The following RB1CC1 variants were observed in gnomAD, a reference collection of about 807,000 sequenced individuals.
RB1CC1 encodes the protein RB1 inducible coiled-coil 1, also known as RB1-inducible coiled-coil protein 1.
RB1CC1 carries 46 observed loss-of-function variants against 177.5 expected under a neutral mutation model. That is an observed-to-expected ratio of 0.26 (90% CI 0.20 to 0.33). The LOEUF is 0.33. Ranked by LOEUF, RB1CC1 falls within the 10% of genes least tolerant of loss-of-function variation. The pLI is 1.00. For missense variants in RB1CC1, 1,703 were observed against 1,816.3 expected (o/e 0.94, Z 1.13); for synonymous variants, 666 against 613.6 (o/e 1.09, Z -1.26).
At chr8:52,712,360 C>G (rs1262513551) in intron 1 of RB1CC1, among the ~76,000 whole-genome samples, 3 of 152,032 alleles carry the variant, frequency 2.0e-5, no homozygotes, top group African/African-American at 7.2e-5. Context: ...AGTCTAAAAA[C>G]TTTTCTCAGG....
rs35009616 is a variant in RB1CC1 at position 52,668,141 on chromosome 8, A to G, written c.1053T>C (p.Ile351=). 9,542 of 1,614,086 alleles carry G rather than the reference A, an allele frequency of 5.9e-3. 38 individuals carry two copies. The highest frequency in any genetic ancestry group is 7.2e-3 in the Non-Finnish European group (8,473 of 1,179,964). ...TCATATTCTGATTATCAAGTTTGGCAATAGTTTGACGGCATTCTGCTATAA... is the reference window on the plus strand; with the variant it reads ...TCATATTCTGATTATCAAGTTTGGCGATAGTTTGACGGCATTCTGCTATAA... ...RPFIAECRQT[I]AKLDNQNMKA... Residue 351 remains isoleucine (I), a synonymous_variant, in exon 8 of 24, where the codon ATT becomes ATC. Transcript: ENST00000025008.
intron 1 of RB1CC1, among the ~76,000 whole-genome samples, chr8:52,691,636 T>A (rs764282814): frequency 6.6e-6 from 1 of 152,220 alleles, no homozygotes; most frequent in Non-Finnish European, 1.5e-5. Flanking sequence ...CAATATCATT[T>A]TCCCACGTTT....
chr8:52,639,387 C>T (rs1359944767), intron 18 of RB1CC1, among the ~76,000 whole-genome samples: 3 of 151,600 alleles, frequency 2.0e-5, no homozygotes, highest in Non-Finnish European at 2.9e-5. Flanking sequence ...CTATGATCTA[C>T]ACTCTGATGT....
At chr8:52,634,530 AT>A (rs1458065735) in intron 20 of RB1CC1, among the ~76,000 whole-genome samples, 2 of 152,130 alleles carry the variant, frequency 1.3e-5, no homozygotes, top group Non-Finnish European at 1.5e-5. Flanking sequence ...AAAAAAAAAA[AT>A]CATGAAAAGA....
intron 18 of RB1CC1, among the ~76,000 whole-genome samples, chr8:52,641,384 CAAAAAAA>C (rs33912526): frequency 1.8e-4 from 18 of 97,478 alleles, no homozygotes; most frequent in African/African-American, 6.0e-4. Flanking sequence ...GACTTCATCT[CAAAAAAA>C]AAAAAAAAAA....
At chr8:52,674,533 T>C (rs113284279) in intron 6 of RB1CC1, among the ~76,000 whole-genome samples, 3,609 of 151,954 alleles carry the variant, frequency 0.024, 165 homozygotes, top group African/African-American at 0.082. Flanking sequence ...CTTTGGGAGG[T>C]GGAGGGCAGC....
chr8:52,699,840 T>A lies in RB1CC1; in HGVS notation c.-166-12873A>T, dbSNP rs1241895941. Among the ~76,000 whole-genome samples the A allele has an allele frequency of 1.9e-4, 21 of 112,492 alleles. No homozygotes were observed. The East Asian group carries it at 2.2e-3, about 12-fold the overall frequency. The allele number at this position is 112,492 out of a possible 152,430, so 73.8% of individuals were successfully genotyped here. A position where few individuals can be genotyped will look rare whatever the true frequency, so the allele number is the denominator to read the frequency against. On this transcript the variant is annotated intron_variant, in intron 1 of 23. Transcript: ENST00000025008. Reference sequence around the variant, plus strand: ...AAAAAAAAAAAAAAAAATATATATATATATATATATATATATATACACACA... The same window carrying A: ...AAAAAAAAAAAAAAAAATATATATAAATATATATATATATATATACACACA...
chr8:52,689,607 CAA>C (rs1328820159), intron 1 of RB1CC1, among the ~76,000 whole-genome samples: 1 of 152,134 alleles, frequency 6.6e-6, no homozygotes, highest in African/African-American at 2.4e-5. Context: ...CCTAAGACAG[CAA>C]ATATAATATG....
chr8:52,665,657 G>A (rs945034837), intron 8 of RB1CC1, among the ~76,000 whole-genome samples: 2 of 152,188 alleles, frequency 1.3e-5, no homozygotes, highest in Admixed American at 6.5e-5. Flanking sequence ...GCAGAGTTCT[G>A]TCTCTAGTAA....
intron 1 of RB1CC1, among the ~76,000 whole-genome samples, chr8:52,708,517 AAAAC>A (rs141985049): frequency 5.7e-4 from 87 of 151,992 alleles, no homozygotes; most frequent in African/African-American, 1.1e-3. Context: ...ACTCGTCTCA[AAAAC>A]AAACAAACAA....
chr8:52,644,159 T>C (rs1056540673), intron 16 of RB1CC1, among the ~76,000 whole-genome samples: 2 of 152,112 alleles, frequency 1.3e-5, no homozygotes, highest in African/African-American at 4.8e-5. Flanking sequence ...GTAATTGGCA[T>C]ATGAAAAAAG....
At chr8:52,645,584 A>G (rs1370671747) in intron 16 of RB1CC1, 118 bp downstream of exon 16, 8 of 1,073,350 alleles carry the variant, frequency 7.5e-6, no homozygotes, top group African/African-American at 1.7e-5. Context: ...AACAGGATCA[A>G]TGTAAGGAAC....
Position 52,656,684 on chromosome 8 carries a change from T to C in RB1CC1, c.3145A>G (p.Lys1049Glu). ...KEKQLQELKL[K>E]VSDLSDTRCK... The stretch of plus-strand genomic sequence containing the variant: ...CTCGTGTCTGACAAATCAGAAACCT[T>C]GAGTTTTAATTCCTGTAACTGTTTT... The change falls in exon 15 of 24, where the codon AAG (lysine) becomes GAG (glutamate). Residue 1049 changes from lysine to glutamate, a missense_variant. Physicochemically the swap from Lys to Glu is moderately conservative, Grantham distance 56 (BLOSUM62 1). Around this residue, in one of 6 missense-constraint regions of RB1CC1, gnomAD observed 1,169 missense variants for 1,184.7 expected, o/e 0.99. Transcript: ENST00000025008. The C allele has an allele frequency of 6.2e-7, 1 of 1,613,826 alleles. No homozygotes were observed. Among genetic ancestry groups the C allele is most frequent in the Non-Finnish European group, 8.5e-7 (1 of 1,179,838 alleles).
At chr8:52,644,077 A>G (rs1457080664) in intron 16 of RB1CC1, among the ~76,000 whole-genome samples, 16 of 152,074 alleles carry the variant, frequency 1.1e-4, no homozygotes, top group Admixed American at 1.0e-3. Context: ...AAACATATAA[A>G]CCATTATGTT....
At chr8:52,667,525 C>T (rs1246323478) in intron 8 of RB1CC1, among the ~76,000 whole-genome samples, 1 of 152,150 alleles carries the variant, frequency 6.6e-6, no homozygotes, top group African/African-American at 2.4e-5. Context: ...TTAGAAACGT[C>T]CACATTTACC....
At chr8:52,680,964 G>T (rs1853642142) in intron 5 of RB1CC1, among the ~76,000 whole-genome samples, 1 of 135,532 alleles carries the variant, frequency 7.4e-6, no homozygotes, top group Admixed American at 8.2e-5. Context: ...GTTTTTGTGG[G>T]GTTTTGTGTG....
At chr8:52,658,252 GT>G in intron 13 of RB1CC1, 128 bp from the exon 14 acceptor site, 1 of 1,092,528 alleles carries the variant, frequency 9.2e-7, no homozygotes, top group Non-Finnish European at 1.3e-6. Flanking sequence ...AATACCAGAA[GT>G]ATTTTAAGAA....
At chr8:52,698,666 G>GTTTT (rs1254015732) in intron 1 of RB1CC1, among the ~76,000 whole-genome samples, 2 of 2,604 alleles carry the variant, frequency 7.7e-4, no homozygotes, top group Non-Finnish European at 2.4e-3. Context: ...ATATGTAATG[G>GTTTT]TTGGTTTTTT....
Position 52,656,101 on chromosome 8 carries a change from T to C in RB1CC1, c.3728A>G (p.Gln1243Arg). Residue 1243 changes from glutamine to arginine, a missense_variant, in exon 15 of 24, where the codon CAG becomes CGG. By Grantham distance (43) the Gln-to-Arg change is conservative. This residue lies in a region of RB1CC1 where 1,169 missense variants were observed against 1,184.7 expected (regional missense o/e 0.99). Coordinates refer to ENST00000025008, the MANE Select transcript of RB1CC1 (RefSeq NM_014781.5). Reference sequence around the variant, plus strand: ...CAATTTAAATTCTTTTAGGGCAGTCTGAATAGCTTCATCTTTTTCACAATT... The same window carrying C: ...CAATTTAAATTCTTTTAGGGCAGTCCGAATAGCTTCATCTTTTTCACAATT... ...KLNCEKDEAI[Q>R]TALKEFKLER... 6.2e-7 allele frequency: 1 copy of C among 1,613,694 alleles called. No individual in the cohort carries two copies. The highest frequency in any genetic ancestry group is 1.1e-5 in the South Asian group (1 of 91,058).
Sources: allele counts gnomAD v4.1 joint callset (sites outside exome capture counted in the v4.1 genomes callset), GRCh38; gene constraint gnomAD v4.1.1; regional missense constraint gnomAD v4.1.1; transcripts MANE v1.5; gene names NCBI Gene and HGNC (gene_info 2026-07-23, HGNC 2026-07-21).